MTUS1: variants seen among roughly 807,000 people sequenced by gnomAD.
The protein encoded by MTUS1 is microtubule-associated tumor suppressor 1.
In MTUS1, 109 loss-of-function variants were observed where a neutral mutation model predicts 120.8. The observed-to-expected ratio is 0.90, with a 90% confidence interval of 0.77 to 1.06. The LOEUF is 1.06. Ranked by LOEUF, MTUS1 falls within the 50% of genes least tolerant of loss-of-function variation. The pLI is 0.00. For missense variants in MTUS1, 2,210 were observed against 1,486.3 expected (o/e 1.49, Z -8.01); for synonymous variants, 737 against 550.5 (o/e 1.34, Z -4.74).
At chr8:17,767,812 G>C (rs1028005572) in intron 1 of MTUS1, among the ~76,000 whole-genome samples, 1 of 151,954 alleles carries the variant, frequency 6.6e-6, no homozygotes, top group Admixed American at 6.6e-5. Flanking sequence ...CAGCTCAAGA[G>C]TTTGGCTTCT....
chr8:17,772,800 C>A (rs1420910188), intron 1 of MTUS1, among the ~76,000 whole-genome samples: 1 of 152,036 alleles, frequency 6.6e-6, no homozygotes, highest in East Asian at 1.9e-4. Flanking sequence ...GAAACAATCA[C>A]CTGTAATTCA....
At chr8:17,736,155 A>G (rs182600541) in intron 3 of MTUS1, among the ~76,000 whole-genome samples, 115 of 152,374 alleles carry the variant, frequency 7.5e-4, no homozygotes, top group Non-Finnish European at 1.4e-3. Context: ...AAGCCTACTC[A>G]TGAGTCATTC....
At chr8:17,718,676 T>C (rs1450647518) in intron 4 of MTUS1, among the ~76,000 whole-genome samples, 1 of 151,900 alleles carries the variant, frequency 6.6e-6, no homozygotes, top group Admixed American at 6.6e-5. Flanking sequence ...TAATATGTAG[T>C]TTAAAACTGC....
chr8:17,689,647 C>T (rs1055565518), intron 6 of MTUS1, among the ~76,000 whole-genome samples: 3 of 152,126 alleles, frequency 2.0e-5, no homozygotes, highest in African/African-American at 7.2e-5. Flanking sequence ...TGCCTCTCTC[C>T]TATAGCAACC....
chr8:17,756,635 T>C (rs190757199), intron 1 of MTUS1, among the ~76,000 whole-genome samples: 1 of 147,960 alleles, frequency 6.8e-6, no homozygotes, highest in African/African-American at 2.5e-5. Flanking sequence ...CACTAAACTG[T>C]TCCCCACCCC....
At chr8:17,670,749 G>C (rs1406638039) in intron 8 of MTUS1, among the ~76,000 whole-genome samples, 1 of 152,048 alleles carries the variant, frequency 6.6e-6, no homozygotes, top group Non-Finnish European at 1.5e-5. Flanking sequence ...CTTGAACCCG[G>C]AAGGCAGAGG....
At chr8:17,665,499 C>T (rs945209833) in intron 8 of MTUS1, among the ~76,000 whole-genome samples, 1 of 144,840 alleles carries the variant, frequency 6.9e-6, no homozygotes, top group African/African-American at 2.5e-5. Flanking sequence ...AATAACGGAG[C>T]TGGATCTACA....
chr8:17,753,692 CA>C (rs2048363519), intron 2 of MTUS1, 24 bp downstream of exon 2: 4 of 1,479,724 alleles, frequency 2.7e-6, no homozygotes, highest in Non-Finnish European at 2.7e-6. Flanking sequence ...CTGAAGCATG[CA>C]AAAAATATAT....
chr8:17,719,068 G>A (rs1031589583), intron 4 of MTUS1, among the ~76,000 whole-genome samples: 1 of 152,092 alleles, frequency 6.6e-6, no homozygotes, highest in African/African-American at 2.4e-5. Context: ...TACTCAGGAG[G>A]CTGAGGTGGG....
intron 8 of MTUS1, among the ~76,000 whole-genome samples, chr8:17,665,630 G>C (rs1235533695): frequency 6.6e-6 from 1 of 152,084 alleles, no homozygotes; most frequent in African/African-American, 2.4e-5. Context: ...CAAAGTGCTG[G>C]AATTACTGGC....
At position 17,676,341 on chromosome 8, in the gene MTUS1, T is replaced by A. The variant is rs532117696; in HGVS notation, c.2839-1089A>T. The A allele has an allele frequency of 8.5e-6, 6 of 702,916 alleles. No individual in the cohort carries two copies. In the African/African-American group the frequency reaches 1.0e-4, roughly 12 times the overall value. 43.5% of individuals were successfully genotyped at this position (702,916 alleles called of 1,614,324 possible). A position where few individuals can be genotyped will look rare whatever the true frequency, so the allele number is the denominator to read the frequency against. On this transcript the variant is annotated intron_variant, in intron 7 of 14. Coordinates refer to ENST00000693296, the MANE Select transcript of MTUS1 (RefSeq NM_001363059.2). ...CTGGGGCAGCCCATTTTCCAGCTTCTGTCTCCAAGTCCCCCCACCCCTCGC... is the reference window on the plus strand; with the variant it reads ...CTGGGGCAGCCCATTTTCCAGCTTCAGTCTCCAAGTCCCCCCACCCCTCGC...
At chr8:17,685,358 G>A (rs1815550431) in intron 6 of MTUS1, among the ~76,000 whole-genome samples, 1 of 151,746 alleles carries the variant, frequency 6.6e-6, no homozygotes, top group Admixed American at 6.6e-5. Context: ...CATTCCAAAT[G>A]TGTCATTTTG....
In MTUS1 at chr8:17,773,842, T is replaced by C. The variant is rs377413058; in HGVS notation, c.-154-17881A>G. 3.0e-4 allele frequency among the ~76,000 whole-genome samples: 34 copies of C among 115,004 alleles called. No homozygotes were observed. In the East Asian group the frequency reaches 7.5e-3, roughly 25 times the overall value. The allele number at this position is 115,004 out of a possible 152,430, so 75.4% of individuals were successfully genotyped here. ...ACATGTCCCTCATCACTCCTGTCTA[T>C]GTCAACCAGCTTGGACACAGATCTA... On this transcript the variant is annotated intron_variant, in intron 1 of 14. Coordinates refer to ENST00000693296, the MANE Select transcript of MTUS1 (RefSeq NM_001363059.2).
chr8:17,667,894 A>G (rs1014043212), intron 8 of MTUS1, among the ~76,000 whole-genome samples: 1 of 152,210 alleles, frequency 6.6e-6, no homozygotes, highest in Non-Finnish European at 1.5e-5. Flanking sequence ...GGCACCAAAC[A>G]CACGATGTTG....
At position 17,653,267 on chromosome 8, in the gene MTUS1, A is replaced by G. The variant is rs774876479; in HGVS notation, c.3303T>C (p.Asp1101=). The G allele has an allele frequency of 2.6e-6, 4 of 1,556,560 alleles. No individual in the cohort carries two copies. Among genetic ancestry groups the G allele is most frequent in the Non-Finnish European group, 3.5e-6 (4 of 1,155,326 alleles). The change falls in exon 12 of 15, where the codon GAT becomes GAC. Residue 1101 remains aspartate, a synonymous_variant. Transcript: ENST00000693296. ...KQESLEKQIN[D]LKSENDALNE... ...TTAAAGCATCATTTTCACTCTTCAG[A>G]TCATTGATTTGCTTCTAAAACACAA...
At chr8:17,711,698 T>C (rs1287254737) in intron 6 of MTUS1, among the ~76,000 whole-genome samples, 1 of 152,224 alleles carries the variant, frequency 6.6e-6, no homozygotes, top group Non-Finnish European at 1.5e-5. Context: ...GGCTAACTGC[T>C]TGGCACAAGA....
At chr8:17,663,795 T>C (rs1466693707) in intron 8 of MTUS1, among the ~76,000 whole-genome samples, 1 of 152,046 alleles carries the variant, frequency 6.6e-6, no homozygotes, top group East Asian at 1.9e-4. Context: ...AGGGTTTCAC[T>C]ACGTTGGCCA....
At chr8:17,687,970 A>C (rs1019110573) in intron 6 of MTUS1, among the ~76,000 whole-genome samples, 2 of 152,220 alleles carry the variant, frequency 1.3e-5, no homozygotes, top group African/African-American at 4.8e-5. Flanking sequence ...TTTTGAGAGA[A>C]AAACCTAACC....
chr8:17,739,588 A>G (rs184022810), intron 3 of MTUS1, among the ~76,000 whole-genome samples: 2 of 152,352 alleles, frequency 1.3e-5, no homozygotes, highest in Admixed American at 1.3e-4. Context: ...GGTTAACAGC[A>G]TCACTGGCTG....
Sources: allele counts gnomAD v4.1 joint callset (sites outside exome capture counted in the v4.1 genomes callset), GRCh38; gene constraint gnomAD v4.1.1; transcripts MANE v1.5; gene names NCBI Gene and HGNC (gene_info 2026-07-23, HGNC 2026-07-21).